Variants in ZFYVE28 observed in about 807,000 individuals in gnomAD.
ZFYVE28 encodes the protein lateral signaling target protein 2 homolog.
Under a neutral mutation model 82.1 loss-of-function variants are expected in ZFYVE28, and 40 were observed. That is an observed-to-expected ratio of 0.49 (90% CI 0.38 to 0.63). The LOEUF (loss-of-function observed/expected upper bound fraction) is 0.63. Among genes scored for constraint, ZFYVE28 ranks in the 30% least tolerant of loss-of-function variants. The pLI, the probability that ZFYVE28 is intolerant of heterozygous loss-of-function variation, is 0.00. For synonymous variants in ZFYVE28, 612 were observed against 546.1 expected (o/e 1.12, Z -1.68); for missense variants, 1,321 against 1,242.1 (o/e 1.06, Z -0.96).
chr4:2,366,498 T>G (rs1161329496), intron 1 of ZFYVE28, among the ~76,000 whole-genome samples: 2 of 152,198 alleles, frequency 1.3e-5, no homozygotes, highest in African/African-American at 4.8e-5. Context: ...CAAGTTGCTC[T>G]CACTTGCAGC....
intron 2 of ZFYVE28, among the ~76,000 whole-genome samples, chr4:2,350,898 C>T (rs1165822072): frequency 5.3e-5 from 8 of 152,238 alleles, no homozygotes; most frequent in Non-Finnish European, 1.2e-4. Flanking sequence ...GGACCCTTCC[C>T]GACCTTAGCC....
Position 2,361,025 on chromosome 4 carries a change from CACTT to C in ZFYVE28, c.40-6956_40-6953del, listed in dbSNP as rs1205374593. Among the ~76,000 whole-genome samples, 3 of 152,150 alleles carry C rather than the reference CACTT, an allele frequency of 2.0e-5. 1 individual carries two copies. ...TCAATTGATATAAATAGGAAGTACT[CACTT>C]GTTAAAATTTTTGAAATAAAAATTG... On this transcript the variant is annotated intron_variant, in intron 1 of 12. Transcript: ENST00000290974.
intron 8 of ZFYVE28, among the ~76,000 whole-genome samples, chr4:2,283,894 T>A (rs924105667): frequency 1.3e-5 from 2 of 152,074 alleles, no homozygotes; most frequent in South Asian, 4.2e-4. Flanking sequence ...CGACAGACTG[T>A]AGGGAACCCC....
chr4:2,353,725 C>T (rs1309519526), intron 2 of ZFYVE28, among the ~76,000 whole-genome samples: 3 of 152,190 alleles, frequency 2.0e-5, no homozygotes, highest in Non-Finnish European at 4.4e-5. Context: ...CCAAGTGTCC[C>T]GTGCGGTTTC....
At chr4:2,334,169 A>G (rs1186181382) in intron 6 of ZFYVE28, among the ~76,000 whole-genome samples, 1 of 152,178 alleles carries the variant, frequency 6.6e-6, no homozygotes, top group African/African-American at 2.4e-5. Flanking sequence ...CTCTGCGAGG[A>G]CACGGGAAGG....
chr4:2,353,295 C>G (rs1270267504), intron 2 of ZFYVE28, among the ~76,000 whole-genome samples: 1 of 152,152 alleles, frequency 6.6e-6, no homozygotes, highest in Admixed American at 6.5e-5. Flanking sequence ...GTGATAGACT[C>G]CCCCCTGTTG....
chr4:2,273,080 G>A, intron 10 of ZFYVE28, 93 bp downstream of exon 10: 1 of 1,059,662 alleles, frequency 9.4e-7, no homozygotes, highest in Non-Finnish European at 1.4e-6. Flanking sequence ...TCTCCCCAGG[G>A]CCAGAAGGTG....
rs1207342610 is a variant in ZFYVE28 at position 2,417,028 on chromosome 4, G to A, written c.39+1257C>T. ...GGCGCACGCGAGGCACGGATTTCAG[G>A]AAACCTCTGCCGTGACAGCTCACCC... On this transcript the variant is annotated intron_variant, in intron 1 of 12. Coordinates refer to ENST00000290974, the MANE Select transcript of ZFYVE28 (RefSeq NM_020972.3). The surrounding 1 kb of genome is among the most constrained non-coding windows in gnomAD (Gnocchi z 4.8). 6.6e-6 allele frequency among the ~76,000 whole-genome samples: 1 copy of A among 152,206 alleles called. No homozygotes were observed. The highest frequency in any genetic ancestry group is 1.5e-5 in the Non-Finnish European group (1 of 68,044).
chr4:2,385,575 T>C (rs1387074803), intron 1 of ZFYVE28, among the ~76,000 whole-genome samples: 1 of 152,234 alleles, frequency 6.6e-6, no homozygotes, highest in East Asian at 1.9e-4. Flanking sequence ...GTTGCCTACA[T>C]GGCCTCCCAC....
At chr4:2,278,855 C>T (rs536304406) in intron 8 of ZFYVE28, among the ~76,000 whole-genome samples, 14 of 151,058 alleles carry the variant, frequency 9.3e-5, no homozygotes, top group African/African-American at 2.7e-4. Flanking sequence ...AGATGCCCAA[C>T]ATCACTGTCA....
chr4:2,410,597 G>A (rs1043519637), intron 1 of ZFYVE28, among the ~76,000 whole-genome samples: 1 of 151,784 alleles, frequency 6.6e-6, no homozygotes. Context: ...CCAGGTTCAC[G>A]CCATTCTCCT....
At chr4:2,385,828 C>T (rs941012780) in intron 1 of ZFYVE28, among the ~76,000 whole-genome samples, 7 of 152,224 alleles carry the variant, frequency 4.6e-5, no homozygotes, top group African/African-American at 1.4e-4. Flanking sequence ...TGCTTAAGAG[C>T]CGCAGACAGG....
chr4:2,285,835 G>GC (rs1408982962), intron 8 of ZFYVE28: 1 of 152,430 alleles, frequency 6.6e-6, no homozygotes, highest in African/African-American at 2.4e-5. Flanking sequence ...TCTCAGGGCT[G>GC]CCCCGCCCTG....
At chr4:2,344,770 C>T (rs1391178430) in intron 2 of ZFYVE28, among the ~76,000 whole-genome samples, 1 of 152,086 alleles carries the variant, frequency 6.6e-6, no homozygotes, top group Non-Finnish European at 1.5e-5. Flanking sequence ...GTGGCGAATG[C>T]CTATAATCCC....
At chr4:2,307,774 T>A (rs767066565) in intron 7 of ZFYVE28, among the ~76,000 whole-genome samples, 4 of 152,064 alleles carry the variant, frequency 2.6e-5, no homozygotes, top group Non-Finnish European at 2.9e-5. Flanking sequence ...GATTACGGCA[T>A]GAGCCACCAT....
intron 6 of ZFYVE28, among the ~76,000 whole-genome samples, chr4:2,325,906 T>G (rs577800488): frequency 6.6e-6 from 1 of 152,170 alleles, no homozygotes; most frequent in South Asian, 2.1e-4. Context: ...TACCCATATT[T>G]TTTTTAATGT....
chr4:2,353,645 T>C (rs1169723851), intron 2 of ZFYVE28, among the ~76,000 whole-genome samples: 1 of 152,086 alleles, frequency 6.6e-6, no homozygotes, highest in Non-Finnish European at 1.5e-5. Flanking sequence ...CCTCCCACAC[T>C]GGCTGCCCCT....
intron 1 of ZFYVE28, among the ~76,000 whole-genome samples, chr4:2,410,978 A>G (rs1013910628): frequency 7.2e-5 from 11 of 152,184 alleles, no homozygotes; most frequent in Non-Finnish European, 1.3e-4. Context: ...TTTTGTAATC[A>G]TGATATCCCT....
intron 8 of ZFYVE28, among the ~76,000 whole-genome samples, chr4:2,296,248 CAG>C (rs1364047644): frequency 6.6e-6 from 1 of 152,198 alleles, no homozygotes; most frequent in Admixed American, 6.5e-5. Flanking sequence ...GGCCACCACT[CAG>C]GGCCTTGCAG....
Sources: gnomAD v4.1 joint callset for allele counts (sites outside exome capture counted in the v4.1 genomes callset) on GRCh38, gnomAD v4.1.1 for gene constraint, Gnocchi (gnomAD v3.1) non-coding constraint, MANE v1.5 for transcripts, NCBI Gene and HGNC (gene_info 2026-07-23, HGNC 2026-07-21) for gene names.